The following PRKG1 variants were observed in gnomAD, a reference collection of about 807,000 sequenced individuals.
PRKG1 encodes cGMP-dependent protein kinase 1.
PRKG1 carries 35 observed loss-of-function variants against 88.1 expected under a neutral mutation model. The ratio of observed to expected loss-of-function variants is 0.40; its 90% CI spans 0.30 to 0.53. The LOEUF (loss-of-function observed/expected upper bound fraction) is 0.53. Among genes scored for constraint, PRKG1 ranks in the 20% least tolerant of loss-of-function variants. The pLI is 0.59. For synonymous variants in PRKG1, 303 were observed against 292.5 expected (o/e 1.04, Z -0.37); for missense variants, 540 against 839.8 (o/e 0.64, Z 4.41).
intron 2 of PRKG1, among the ~76,000 whole-genome samples, chr10:51,261,487 A>G (rs1839702978): frequency 6.6e-6 from 1 of 152,202 alleles, no homozygotes; most frequent in Non-Finnish European, 1.5e-5. Flanking sequence ...GTGATAAACA[A>G]TATAACTGTT....
chr10:51,483,085 A>G (rs549908194), intron 3 of PRKG1, among the ~76,000 whole-genome samples: 2 of 148,614 alleles, frequency 1.3e-5, no homozygotes, highest in Admixed American at 6.8e-5. Context: ...CAATGGCACA[A>G]TCTCAGTTCA....
chr10:51,821,320 T>A (rs916921920), intron 4 of PRKG1, among the ~76,000 whole-genome samples: 1 of 152,156 alleles, frequency 6.6e-6, no homozygotes, highest in Non-Finnish European at 1.5e-5. Context: ...TTCTTGAGCA[T>A]GTTTTTCGTG....
At chr10:51,220,034 A>T (rs1195001568) in intron 2 of PRKG1, among the ~76,000 whole-genome samples, 1 of 152,200 alleles carries the variant, frequency 6.6e-6, no homozygotes, top group African/African-American at 2.4e-5. Flanking sequence ...CTCCTGGCAG[A>T]AAAGGAAGGC....
intron 7 of PRKG1, among the ~76,000 whole-genome samples, chr10:52,089,826 T>TG: frequency 7.0e-6 from 1 of 142,296 alleles, no homozygotes; most frequent in South Asian, 2.3e-4. Flanking sequence ...TTTTTTTTTT[T>TG]TTGAGATGGA....
chr10:51,699,607 A>ACCGACACTT, intron 3 of PRKG1: 1 of 1,538,800 alleles, frequency 6.5e-7, no homozygotes, highest in East Asian at 2.3e-5. Context: ...TCCTCTTGCG[A>ACCGACACTT]CCGACACTTC....
intron 2 of PRKG1, among the ~76,000 whole-genome samples, chr10:51,454,454 C>T (rs1204951815): frequency 1.3e-5 from 2 of 150,180 alleles, no homozygotes; most frequent in African/African-American, 2.4e-5. Context: ...TTCTTACAGC[C>T]AACTGATCTT....
intron 2 of PRKG1, among the ~76,000 whole-genome samples, chr10:51,181,289 C>T (rs1010668201): frequency 1.6e-5 from 2 of 122,034 alleles, no homozygotes; most frequent in Admixed American, 1.0e-4. Flanking sequence ...GGCCGGGCTG[C>T]GGACTGCAGT....
At chr10:51,470,710 C>T (rs1840027171) in intron 3 of PRKG1, among the ~76,000 whole-genome samples, 1 of 151,846 alleles carries the variant, frequency 6.6e-6, no homozygotes, top group Non-Finnish European at 1.5e-5. Flanking sequence ...ATCAGTACAC[C>T]TGTGGATTTT....
chr10:52,293,755 TTCCACTAAAAAAAA>T (rs1260259123), intron 17 of PRKG1, 33 bp from the exon 18 acceptor site: 5 of 1,489,926 alleles, frequency 3.4e-6, no homozygotes, highest in South Asian at 1.1e-5. Flanking sequence ...CAGCTTGGAA[TTCCACTAAAAAAAA>T]TCCACTAAAA....
At chr10:51,627,521 T>C (rs1395935728) in intron 3 of PRKG1, among the ~76,000 whole-genome samples, 1 of 152,198 alleles carries the variant, frequency 6.6e-6, no homozygotes, top group African/African-American at 2.4e-5. Context: ...CTCAGATAGA[T>C]GTATGCTTCT....
At chr10:51,727,262 A>G (rs1044192551) in intron 3 of PRKG1, among the ~76,000 whole-genome samples, 5 of 149,762 alleles carry the variant, frequency 3.3e-5, no homozygotes, top group Non-Finnish European at 7.4e-5. Flanking sequence ...GCAACACAGT[A>G]AGACCCCATT....
chr10:51,363,541 T>C (rs1355234176), intron 2 of PRKG1, among the ~76,000 whole-genome samples: 2 of 151,944 alleles, frequency 1.3e-5, no homozygotes, highest in Non-Finnish European at 2.9e-5. Context: ...TGTCAAATAA[T>C]ACCAGGAAGC....
chr10:52,224,301 C>G (rs988880843), intron 9 of PRKG1, among the ~76,000 whole-genome samples: 1 of 151,956 alleles, frequency 6.6e-6, no homozygotes, highest in African/African-American at 2.4e-5. Context: ...TTTTCTCTAC[C>G]CAGAATACTC....
chr10:51,645,402 C>A (rs1157415015), intron 3 of PRKG1, among the ~76,000 whole-genome samples: 1 of 152,230 alleles, frequency 6.6e-6, no homozygotes, highest in East Asian at 1.9e-4. Context: ...ATTTGAACTA[C>A]AAATAAATAA....
intron 8 of PRKG1, among the ~76,000 whole-genome samples, chr10:52,148,316 C>T (rs927469419): frequency 8.5e-5 from 13 of 152,064 alleles, no homozygotes; most frequent in African/African-American, 3.1e-4. Flanking sequence ...GGACAGCTCC[C>T]TAAAACAAAG....
chr10:52,072,356 C>A (rs559991910), intron 7 of PRKG1, among the ~76,000 whole-genome samples: 2 of 151,848 alleles, frequency 1.3e-5, no homozygotes, highest in East Asian at 3.9e-4. Context: ...CAATACAAAA[C>A]AAAACAAAAA....
In PRKG1 at chr10:51,451,805, G is replaced by A. The variant is rs1381719840; in HGVS notation, c.479-15918G>A. ...AAAGATAATTTGACGTTCTTTGAAA[G>A]TGAGGTTAGGAAGTGATGGATGGTA... On this transcript the variant is annotated intron_variant, in intron 2 of 17. Transcript: ENST00000373980. Among the ~76,000 whole-genome samples, 11 of 151,922 alleles carry A rather than the reference G, an allele frequency of 7.2e-5. 1 individual carries two copies. The highest frequency in any genetic ancestry group is 2.4e-4 in the African/African-American group (10 of 41,442).
At chr10:51,966,668 AC>A in intron 5 of PRKG1, among the ~76,000 whole-genome samples, 1 of 152,282 alleles carries the variant, frequency 6.6e-6, no homozygotes, top group East Asian at 1.9e-4. Flanking sequence ...GGGAGCAAGC[AC>A]AGGCTGAAAT....
intron 2 of PRKG1, among the ~76,000 whole-genome samples, chr10:51,203,673 C>T (rs1171349611): frequency 6.6e-6 from 1 of 152,112 alleles, no homozygotes; most frequent in Non-Finnish European, 1.5e-5. Flanking sequence ...CACATTTGGA[C>T]AAATATCTTA....
Sources: gnomAD v4.1 joint callset for allele counts (sites outside exome capture counted in the v4.1 genomes callset) on GRCh38, gnomAD v4.1.1 for gene constraint, MANE v1.5 for transcripts, NCBI Gene and HGNC (gene_info 2026-07-23, HGNC 2026-07-21) for gene names.